MPDZ: variants seen among roughly 807,000 people sequenced by gnomAD.
MPDZ encodes multiple PDZ domain protein.
MPDZ carries 234 observed loss-of-function variants against 239.1 expected under a neutral mutation model. The ratio of observed to expected loss-of-function variants is 0.98; its 90% CI spans 0.88 to 1.09. The LOEUF (loss-of-function observed/expected upper bound fraction) is 1.09, where lower values mean the gene tolerates loss of function less well. Ranked by LOEUF, MPDZ falls within the 50% of genes least tolerant of loss-of-function variation. The probability of loss-of-function intolerance (pLI) is 0.00; values close to 1 mark genes in which losing one functional copy is unlikely to be tolerated. For missense variants in MPDZ, 3,175 were observed against 2,510.0 expected (o/e 1.26, Z -5.66); for synonymous variants, 1,048 against 881.3 (o/e 1.19, Z -3.35).
At chr9:13,191,643 C>A (rs1312436817) in intron 15 of MPDZ, among the ~76,000 whole-genome samples, 1 of 152,098 alleles carries the variant, frequency 6.6e-6, no homozygotes, top group African/African-American at 2.4e-5. Flanking sequence ...ATATTTTAGC[C>A]ATTCACTAAG....
In MPDZ at chr9:13,109,024, C is replaced by T. The variant is rs762288586; in HGVS notation, c.5978G>A (p.Gly1993Glu). 6.3e-7 allele frequency: 1 copy of T among 1,585,314 alleles called. No homozygotes were observed. Among genetic ancestry groups the T allele is most frequent in the Middle Eastern group, 1.7e-4 (1 of 5,992 alleles). ...PQCKSITLERGPDGLGFSIVG... is the reference protein window; with the variant it reads ...PQCKSITLEREPDGLGFSIVG... The stretch of plus-strand genomic sequence containing the variant: ...TATACTGAAGCCTAAGCCATCTGGT[C>T]CTCGCTCTAGTGTAATAGACTTACA... Residue 1993 changes from glycine (G) to glutamate (E), a missense_variant, in exon 46 of 47, where the codon GGA (glycine) becomes GAA (glutamate). By Grantham distance (98) the Gly-to-Glu change is moderately conservative. Transcript: ENST00000319217.
intron 21 of MPDZ, among the ~76,000 whole-genome samples, chr9:13,175,016 A>C (rs1952273992): frequency 6.6e-6 from 1 of 152,154 alleles, no homozygotes; most frequent in Non-Finnish European, 1.5e-5. Context: ...AAGGAAAAGG[A>C]TCTCTGATGC....
chr9:13,254,977 A>G (rs1427916271), intron 1 of MPDZ, among the ~76,000 whole-genome samples: 1 of 152,202 alleles, frequency 6.6e-6, no homozygotes, highest in Non-Finnish European at 1.5e-5. Flanking sequence ...TCCTTTCATG[A>G]AAGATTTCTC....
chr9:13,182,194 C>T (rs969091764), intron 19 of MPDZ, among the ~76,000 whole-genome samples: 2 of 151,984 alleles, frequency 1.3e-5, no homozygotes, highest in Non-Finnish European at 2.9e-5. Context: ...TCAATTTATG[C>T]AGAAAATACA....
chr9:13,250,288 A>C lies in MPDZ; in HGVS notation c.16+12T>G. ...ATTCTTATAAAAGTAGGCAGAAAAG[A>C]ATAAGTCTTACCAATGGCTTCCAAC... On this transcript the variant is annotated intron_variant, in intron 2 of 46. Coordinates refer to ENST00000319217, the MANE Select transcript of MPDZ (RefSeq NM_001378778.1). The C allele has an allele frequency of 6.3e-7, 1 of 1,593,430 alleles. No individual in the cohort carries two copies. Among genetic ancestry groups the C allele is most frequent in the South Asian group, 1.1e-5 (1 of 87,572 alleles).
intron 3 of MPDZ, among the ~76,000 whole-genome samples, chr9:13,237,180 C>T (rs147588734): frequency 0.013 from 1,965 of 152,014 alleles, 26 homozygotes; most frequent in Middle Eastern, 0.037. Context: ...CGGTGGTTCA[C>T]GCCTGTAATC....
chr9:13,171,856 G>A (rs752244039), intron 21 of MPDZ, among the ~76,000 whole-genome samples: 1 of 152,088 alleles, frequency 6.6e-6, no homozygotes, highest in Non-Finnish European at 1.5e-5. Flanking sequence ...ACTGCATATA[G>A]CTGATTAAGG....
chr9:13,207,199 T>G (rs1426959125), intron 10 of MPDZ, among the ~76,000 whole-genome samples: 1 of 152,168 alleles, frequency 6.6e-6, no homozygotes, highest in Non-Finnish European at 1.5e-5. Flanking sequence ...ACATTTGATT[T>G]TCCCCTTTTC....
intron 23 of MPDZ, among the ~76,000 whole-genome samples, chr9:13,161,573 C>CAA (rs533435805): frequency 6.8e-6 from 1 of 146,824 alleles, no homozygotes; most frequent in Non-Finnish European, 1.5e-5. Flanking sequence ...AACTCCGTCT[C>CAA]AAAAAAAAAA....
chr9:13,226,112 A>G (rs150685472), intron 3 of MPDZ, among the ~76,000 whole-genome samples: 37 of 152,108 alleles, frequency 2.4e-4, no homozygotes, highest in African/African-American at 8.9e-4. Flanking sequence ...GCTGGACCCT[A>G]ACTCGCCACA....
chr9:13,116,895 G>C (rs1034677888), intron 39 of MPDZ, among the ~76,000 whole-genome samples: 1 of 151,896 alleles, frequency 6.6e-6, no homozygotes, highest in South Asian at 2.1e-4. Flanking sequence ...GCATCTATGC[G>C]GTAAATACAA....
Position 13,123,243 on chromosome 9 carries a change from G to A in MPDZ, c.4863C>T (p.Pro1621=), listed in dbSNP as rs776211144. ...TGGTTGTTTCGCAGCCAGGGATAAT[G>A]GGGCAGGTTGCAGGATCAGAAGCAA... ...AIFASDPATC[P]IIPGCETTIE... The change falls in exon 36 of 47, where the codon CCC becomes CCT. Residue 1621 remains proline, a synonymous_variant. Transcript: ENST00000319217. 1.4e-5 allele frequency: 23 copies of A among 1,613,356 alleles called. No homozygotes were observed. In the South Asian group the frequency reaches 2.3e-4, roughly 16 times the overall value.
chr9:13,185,059 A>G (rs1368983865), intron 18 of MPDZ, among the ~76,000 whole-genome samples: 2 of 151,984 alleles, frequency 1.3e-5, no homozygotes, highest in Non-Finnish European at 2.9e-5. Context: ...TGACATTTCA[A>G]AAAGTATTTG....
At chr9:13,110,267 T>C (rs570263217) in intron 44 of MPDZ, among the ~76,000 whole-genome samples, 1 of 152,330 alleles carries the variant, frequency 6.6e-6, no homozygotes, top group South Asian at 2.1e-4. Context: ...AACATATTCT[T>C]CTAATTCTAT....
intron 45 of MPDZ, 107 bp downstream of exon 45, chr9:13,109,844 AT>A: frequency 1.2e-6 from 1 of 831,592 alleles, no homozygotes; most frequent in East Asian, 2.7e-5. Flanking sequence ...ATATCCTATC[AT>A]TTTACCTGTA....
rs749719742 is a variant in MPDZ at position 13,157,980 on chromosome 9, T to C, written c.3452+38A>G. ...CACCTGCTTATCTTTAAACACTATA[T>C]ATCCATTGGGTGGACAGAAGACAGA... On this transcript the variant is annotated intron_variant, in intron 24 of 46. Transcript: ENST00000319217. 3 of 1,538,862 alleles carry C rather than the reference T, an allele frequency of 1.9e-6. No individual in the cohort carries two copies. In the South Asian group the frequency reaches 3.4e-5, roughly 17 times the overall value.
At chr9:13,189,972 C>A in intron 16 of MPDZ, 142 bp downstream of exon 16, 2 of 653,564 alleles carry the variant, frequency 3.1e-6, no homozygotes, top group South Asian at 2.7e-5. Flanking sequence ...TTATGATAAT[C>A]AGTGAATCCT....
intron 27 of MPDZ, among the ~76,000 whole-genome samples, chr9:13,142,505 TC>T: frequency 6.6e-6 from 1 of 152,234 alleles, no homozygotes; most frequent in South Asian, 2.1e-4. Context: ...TGTTTAGCCT[TC>T]CTTGTCAAAA....
chr9:13,153,596 C>A (rs190210530), intron 24 of MPDZ, among the ~76,000 whole-genome samples: 1 of 152,092 alleles, frequency 6.6e-6, no homozygotes, highest in African/African-American at 2.4e-5. Flanking sequence ...TCTCAGCCTC[C>A]CTAAGTGCTG....
Sources: allele counts gnomAD v4.1 joint callset (sites outside exome capture counted in the v4.1 genomes callset), GRCh38; gene constraint gnomAD v4.1.1; transcripts MANE v1.5; gene names NCBI Gene and HGNC (gene_info 2026-07-23, HGNC 2026-07-21).